FHIT: variants seen among roughly 807,000 people sequenced by gnomAD.
FHIT encodes fragile histidine triad diadenosine triphosphatase, also known as bis(5'-adenosyl)-triphosphatase.
A neutral mutation model predicts 17.9 loss-of-function variants in FHIT; 19 were observed. The observed-to-expected ratio is 1.06, with a 90% CI of 0.74 to 1.56. The LOEUF (loss-of-function observed/expected upper bound fraction) is 1.56. Ranked by LOEUF, FHIT falls within the 40% of genes most tolerant of loss-of-function variation. FHIT has a pLI of 0.00. For synonymous variants in FHIT, 81 were observed against 69.7 expected (o/e 1.16, Z -0.81); for missense variants, 248 against 189.2 (o/e 1.31, Z -1.82).
intron 8 of FHIT, among the ~76,000 whole-genome samples, chr3:59,825,825 T>A (rs1186187030): frequency 6.6e-6 from 1 of 152,208 alleles, no homozygotes; most frequent in Non-Finnish European, 1.5e-5. Flanking sequence ...ACAGGCCATC[T>A]GAATTCACTG....
In FHIT at chr3:60,658,670, C is replaced by T. The variant is rs530490471; in HGVS notation, c.-17-121691G>A. 6.2e-4 allele frequency among the ~76,000 whole-genome samples: 95 copies of T among 152,136 alleles called. 2 individuals carry two copies. In the South Asian group the frequency reaches 0.019, roughly 30 times the overall value. On this transcript the variant is annotated intron_variant, in intron 4 of 9. Coordinates refer to ENST00000492590, the MANE Select transcript of FHIT (RefSeq NM_002012.4). ...TATTTTAAAAGATGTATTAGCTTCT[C>T]AAATTATGTAGAAAACAAAATGTGG...
intron 5 of FHIT, among the ~76,000 whole-genome samples, chr3:60,514,260 C>A (rs1421043902): frequency 6.6e-6 from 1 of 152,238 alleles, no homozygotes; most frequent in Non-Finnish European, 1.5e-5. Context: ...GATGGCAAGG[C>A]TAAAAGAGCA....
intron 4 of FHIT, among the ~76,000 whole-genome samples, chr3:60,567,590 G>A (rs1193370427): frequency 1.3e-5 from 2 of 152,120 alleles, no homozygotes; most frequent in African/African-American, 4.8e-5. Context: ...GGCAACAAAA[G>A]CCAAAATTGA....
intron 3 of FHIT, among the ~76,000 whole-genome samples, chr3:60,830,413 A>G (rs558641486): frequency 1.3e-5 from 2 of 152,178 alleles, no homozygotes; most frequent in East Asian, 1.9e-4. Context: ...ACATAAACCA[A>G]AAGAAGAGAG....
chr3:59,797,711 A>G (rs1699832905), intron 8 of FHIT, among the ~76,000 whole-genome samples: 1 of 152,090 alleles, frequency 6.6e-6, no homozygotes, highest in Non-Finnish European at 1.5e-5. Flanking sequence ...GTCAATAAAA[A>G]CCATTATTGC....
chr3:60,334,940 A>G (rs1052242114), intron 5 of FHIT, among the ~76,000 whole-genome samples: 2 of 152,276 alleles, frequency 1.3e-5, no homozygotes, highest in African/African-American at 4.8e-5. Flanking sequence ...ATCTTTTTAA[A>G]TTATTTTCCT....
rs868781841 is a variant in FHIT, at chr3:60,437,859, C to A, written c.103+99001G>T. 1.6e-4 allele frequency among the ~76,000 whole-genome samples: 24 copies of A among 152,112 alleles called. 2 individuals carry two copies. The highest frequency in any genetic ancestry group is 5.8e-4 in the African/African-American group (24 of 41,504). Reference sequence around the variant, plus strand: ...CTGACATACTTTAAGATATTCTCTACCCCATGCACCAAAATCATGACTAGT... The same window carrying A: ...CTGACATACTTTAAGATATTCTCTAACCCATGCACCAAAATCATGACTAGT... On this transcript the variant is annotated intron_variant, in intron 5 of 9. Transcript: ENST00000492590.
At chr3:60,714,877 T>G (rs1333440889) in intron 4 of FHIT, among the ~76,000 whole-genome samples, 3 of 152,116 alleles carry the variant, frequency 2.0e-5, no homozygotes, top group Non-Finnish European at 2.9e-5. Context: ...ATTTATAGAT[T>G]CAATGTCATC....
intron 5 of FHIT, among the ~76,000 whole-genome samples, chr3:60,219,273 A>G (rs1703847181): frequency 1.3e-5 from 2 of 152,060 alleles, no homozygotes; most frequent in African/African-American, 4.8e-5. Flanking sequence ...TAACGTTCCT[A>G]GGCCACTGGA....
At chr3:60,124,033 G>GAC (rs1559653842) in intron 5 of FHIT, among the ~76,000 whole-genome samples, 243 of 113,464 alleles carry the variant, frequency 2.1e-3, no homozygotes, top group Non-Finnish European at 2.4e-3. Flanking sequence ...GAGAGAGAGA[G>GAC]AGAGAGAGAG....
At chr3:60,138,197 A>G (rs1699893858) in intron 5 of FHIT, among the ~76,000 whole-genome samples, 1 of 152,206 alleles carries the variant, frequency 6.6e-6, no homozygotes, top group Non-Finnish European at 1.5e-5. Flanking sequence ...ACGCAAAGGA[A>G]GTCAGAAGTT....
chr3:59,939,787 T>C (rs1165267293), intron 7 of FHIT, among the ~76,000 whole-genome samples: 2 of 152,152 alleles, frequency 1.3e-5, no homozygotes, highest in Admixed American at 1.3e-4. Context: ...TATCAAGTTT[T>C]GCTCCAGAGA....
chr3:61,009,387 T>A (rs1409687260), intron 3 of FHIT, among the ~76,000 whole-genome samples: 1 of 152,200 alleles, frequency 6.6e-6, no homozygotes, highest in Non-Finnish European at 1.5e-5. Context: ...CACTACCATA[T>A]ATGAAATTTG....
At position 60,443,933 on chromosome 3, in the gene FHIT, A is replaced by C. The variant is rs1011530916; in HGVS notation, c.103+92927T>G. Among the ~76,000 whole-genome samples the C allele has an allele frequency of 2.0e-5, 3 of 152,142 alleles. No individual in the cohort carries two copies. The East Asian group carries it at 5.8e-4, about 29-fold the overall frequency. On this transcript the variant is annotated intron_variant, in intron 5 of 9. Coordinates refer to ENST00000492590, the MANE Select transcript of FHIT (RefSeq NM_002012.4). The stretch of plus-strand genomic sequence containing the variant: ...CTACAGAATGGGAGAAAATTTTTGC[A>C]ATCTACTCATCTGACAAAGGGCTAA...
intron 4 of FHIT, among the ~76,000 whole-genome samples, chr3:60,684,637 A>C (rs2107869854): frequency 6.6e-6 from 1 of 152,170 alleles, no homozygotes; most frequent in Admixed American, 6.5e-5. Flanking sequence ...AGAGTATTCA[A>C]GAGCTGTGCC....
At chr3:60,550,019 G>C (rs1479148282) in intron 4 of FHIT, among the ~76,000 whole-genome samples, 1 of 152,148 alleles carries the variant, frequency 6.6e-6, no homozygotes. Flanking sequence ...CAACTGGAGA[G>C]TAGGTTTCTA....
At chr3:60,676,631 C>A (rs890703608) in intron 4 of FHIT, among the ~76,000 whole-genome samples, 2 of 152,154 alleles carry the variant, frequency 1.3e-5, no homozygotes, top group East Asian at 3.9e-4. Context: ...CAACTTCATA[C>A]AGCTGCTACC....
chr3:60,653,243 C>T (rs868914114), intron 4 of FHIT, among the ~76,000 whole-genome samples: 8 of 151,914 alleles, frequency 5.3e-5, no homozygotes, highest in Admixed American at 1.3e-4. Context: ...TAGTTAATAT[C>T]GTCAAGAAAG....
chr3:60,117,187 T>A (rs1156422851), intron 5 of FHIT, among the ~76,000 whole-genome samples: 1 of 115,806 alleles, frequency 8.6e-6, no homozygotes, highest in Non-Finnish European at 1.9e-5. Context: ...TTGGCTTGAA[T>A]TCCAGAAGGG....
Sources: allele counts gnomAD v4.1 joint callset (sites outside exome capture counted in the v4.1 genomes callset), GRCh38; gene constraint gnomAD v4.1.1; transcripts MANE v1.5; gene names NCBI Gene and HGNC (gene_info 2026-07-23, HGNC 2026-07-21).